CLIC5: variants seen among roughly 807,000 people sequenced by gnomAD.
CLIC5 encodes chloride intracellular channel protein 5.
A neutral mutation model predicts 24.7 loss-of-function variants in CLIC5; 20 were observed. The observed-to-expected ratio is 0.81, with a 90% confidence interval of 0.57 to 1.18. CLIC5 has a LOEUF of 1.18. CLIC5 is among the 50% of genes most tolerant of loss of function. The pLI is 0.00. For missense variants in CLIC5, 341 were observed against 326.1 expected (o/e 1.05, Z -0.35); for synonymous variants, 159 against 135.6 (o/e 1.17, Z -1.20).
intron 1 of CLIC5, among the ~76,000 whole-genome samples, chr6:45,994,139 GAC>G (rs1248921573): frequency 6.6e-6 from 1 of 152,096 alleles, no homozygotes; most frequent in East Asian, 1.9e-4. Flanking sequence ...AGTGAAGGCT[GAC>G]CAGATGGGAA....
At chr6:45,948,231 G>A (rs539901489) in intron 3 of CLIC5, among the ~76,000 whole-genome samples, 1 of 152,284 alleles carries the variant, frequency 6.6e-6, no homozygotes, top group South Asian at 2.1e-4. Context: ...GTGGTTTTTA[G>A]TAGTCAAATC....
chr6:46,020,775 A>G (rs1767154479), upstream of CLIC5, among the ~76,000 whole-genome samples: 1 of 152,064 alleles, frequency 6.6e-6, no homozygotes, highest in African/African-American at 2.4e-5. Flanking sequence ...ATACAAAAAG[A>G]TAAGGGAGTA....
chr6:45,884,885 G>C (rs936097299), intron 6 of CLIC5, among the ~76,000 whole-genome samples: 1 of 151,518 alleles, frequency 6.6e-6, no homozygotes, highest in African/African-American at 2.4e-5. Context: ...TCATCTGTCC[G>C]GAGGTTAATA....
At chr6:45,958,465 T>C (rs1281834294) in intron 1 of CLIC5, among the ~76,000 whole-genome samples, 2,560 of 28,884 alleles carry the variant, frequency 0.089, 251 homozygotes, top group African/African-American at 0.26. Context: ...TATATATATA[T>C]ATATATATAT....
intron 1 of CLIC5, among the ~76,000 whole-genome samples, chr6:46,034,530 A>G (rs1767608343): frequency 6.6e-6 from 1 of 152,230 alleles, no homozygotes; most frequent in African/African-American, 2.4e-5. Flanking sequence ...TGAGCCCAGG[A>G]GTTCAAGTCT....
chr6:46,015,242 G>T (rs1027010863), intron 1 of CLIC5, among the ~76,000 whole-genome samples: 2 of 152,118 alleles, frequency 1.3e-5, no homozygotes, highest in Non-Finnish European at 2.9e-5. Context: ...GGCGGGGACG[G>T]GGGTGGACAA....
chr6:45,938,150 C>T (rs528932094), intron 4 of CLIC5, among the ~76,000 whole-genome samples: 14 of 152,246 alleles, frequency 9.2e-5, no homozygotes, highest in South Asian at 2.1e-4. Context: ...TAATGTAGGG[C>T]GGCATGTGGA....
upstream of CLIC5, among the ~76,000 whole-genome samples, chr6:46,020,612 CAAT>C (rs2127449658): frequency 6.6e-6 from 1 of 150,540 alleles, no homozygotes; most frequent in South Asian, 2.1e-4. Flanking sequence ...AAAAATAAAA[CAAT>C]AGAGAAAATC....
At chr6:45,889,689 T>C (rs1331109540) in intron 6 of CLIC5, among the ~76,000 whole-genome samples, 1 of 152,172 alleles carries the variant, frequency 6.6e-6, no homozygotes, top group Non-Finnish European at 1.5e-5. Context: ...TGTTCTAGCA[T>C]CTTTTGAGTC....
intron 1 of CLIC5, among the ~76,000 whole-genome samples, chr6:45,996,574 G>C (rs10948269): frequency 0.33 from 50,243 of 151,902 alleles, 8,505 homozygotes; most frequent in Middle Eastern, 0.45. Flanking sequence ...TGGCTAGCCA[G>C]TTTTCCCAGC....
Position 45,990,647 on chromosome 6 carries a change from A to G in CLIC5, c.63+24833T>C, listed in dbSNP as rs1390395101. ...AGTAAGGGTGTTCATCCTGCCTTAC[A>G]AAATATACTGATGCCAAGTCCAAGA... On this transcript the variant is annotated intron_variant, in intron 1 of 5. Transcript: ENST00000339561. Among the ~76,000 whole-genome samples, 2 of 152,268 alleles carry G rather than the reference A, an allele frequency of 1.3e-5. 1 individual carries two copies. Among genetic ancestry groups the G allele is most frequent in the Middle Eastern group, 6.3e-3 (2 of 316 alleles).
chr6:45,888,931 G>A (rs1041275364), intron 6 of CLIC5, among the ~76,000 whole-genome samples: 1 of 152,136 alleles, frequency 6.6e-6, no homozygotes, highest in Non-Finnish European at 1.5e-5. Flanking sequence ...ATTCATTGCA[G>A]CATTTTTTGT....
At chr6:45,957,178 G>A (rs1764673467) in intron 1 of CLIC5, among the ~76,000 whole-genome samples, 1 of 152,106 alleles carries the variant, frequency 6.6e-6, no homozygotes, top group South Asian at 2.1e-4. Flanking sequence ...GTGGTGGGAG[G>A]ATAAGGGAAT....
intron 6 of CLIC5, among the ~76,000 whole-genome samples, chr6:45,890,111 G>A (rs1222949002): frequency 6.6e-6 from 1 of 152,124 alleles, no homozygotes; most frequent in Non-Finnish European, 1.5e-5. Flanking sequence ...AGTAGTTTGA[G>A]TTCCTTTGTG....
intron 1 of CLIC5, among the ~76,000 whole-genome samples, chr6:45,989,746 G>T (rs185722845): frequency 6.6e-6 from 1 of 152,310 alleles, no homozygotes; most frequent in East Asian, 1.9e-4. Flanking sequence ...CCAATGGGCA[G>T]AGTTGCAGGG....
intron 1 of CLIC5, among the ~76,000 whole-genome samples, chr6:46,012,662 T>C (rs1766847879): frequency 6.6e-6 from 1 of 152,174 alleles, no homozygotes; most frequent in South Asian, 2.1e-4. Flanking sequence ...AACTGCTAGA[T>C]TTGAGGACTG....
chr6:45,983,232 G>T (rs1241021410), intron 1 of CLIC5, among the ~76,000 whole-genome samples: 1 of 152,198 alleles, frequency 6.6e-6, no homozygotes, highest in African/African-American at 2.4e-5. Context: ...GGGAGGGAGG[G>T]TGAGAGGAAT....
chr6:46,119,645 T>C, the CLIC5 span, among the ~76,000 whole-genome samples: 47 of 152,346 alleles, frequency 3.1e-4, no homozygotes, highest in South Asian at 8.9e-3. Context: ...CATCGCCTCA[T>C]CAGGGAAGTA....
In CLIC5 at chr6:46,014,084, A is replaced by G. The variant is rs981819321; in HGVS notation, c.63+1396T>C. Among the ~76,000 whole-genome samples, 4 of 152,234 alleles carry G rather than the reference A, an allele frequency of 2.6e-5. No homozygotes were observed. The East Asian group carries it at 7.7e-4, about 29-fold the overall frequency. ...GAAACCAAAGGAGCACACAGGGGCC[A>G]CAGTGGGAAGAGAACAGGCTGAAGA... On this transcript the variant is annotated intron_variant, in intron 1 of 5. Coordinates refer to ENST00000339561, the MANE Select transcript of CLIC5 (RefSeq NM_016929.5).
Sources: gnomAD v4.1 joint callset for allele counts (sites outside exome capture counted in the v4.1 genomes callset) on GRCh38, gnomAD v4.1.1 for gene constraint, MANE v1.5 for transcripts, NCBI Gene and HGNC (gene_info 2026-07-23, HGNC 2026-07-21) for gene names.